The following PRPF39 variants were observed in gnomAD, a reference collection of about 807,000 sequenced individuals.
PRPF39 encodes pre-mRNA processing factor 39.
Under a neutral mutation model 82.1 loss-of-function variants are expected in PRPF39, and 27 were observed. The observed-to-expected ratio is 0.33, with a 90% confidence interval of 0.24 to 0.45. PRPF39 has a LOEUF of 0.45. Among genes scored for constraint, PRPF39 ranks in the 20% least tolerant of loss-of-function variants. The probability of loss-of-function intolerance (pLI) is 1.00; values close to 1 mark genes in which losing one functional copy is unlikely to be tolerated. For missense variants in PRPF39, 581 were observed against 796.9 expected (o/e 0.73, Z 3.26); for synonymous variants, 261 against 256.4 (o/e 1.02, Z -0.17).
intron 10 of PRPF39, among the ~76,000 whole-genome samples, 152 bp from the exon 11 acceptor site, chr14:45,112,166 T>C (rs533477122): frequency 9.8e-5 from 15 of 152,318 alleles, no homozygotes; most frequent in Non-Finnish European, 1.9e-4. Context: ...TTCACCCCTT[T>C]AGATATATGC....
chr14:45,090,409 G>A lies in PRPF39; in HGVS notation c.-19-4812G>A, dbSNP rs139181317. Among the ~76,000 whole-genome samples the A allele has an allele frequency of 1.9e-4, 29 of 151,958 alleles. No homozygotes were observed. In the East Asian group the frequency reaches 5.2e-3, roughly 27 times the overall value. The stretch of plus-strand genomic sequence containing the variant: ...CTGTAATTTTTTCTCAAATTCTTTT[G>A]TCCATAATATGGCTCCATGCTACTT... On this transcript the variant is annotated intron_variant, in intron 1 of 13. Transcript: ENST00000355765.
chr14:45,103,737 A>G (rs937216569), intron 5 of PRPF39, among the ~76,000 whole-genome samples: 1 of 152,188 alleles, frequency 6.6e-6, no homozygotes, highest in African/African-American at 2.4e-5. Context: ...TAACACAAGT[A>G]AGAATTGGCA....
chr14:45,109,791 C>G lies in PRPF39; in HGVS notation c.1176+11C>G. On this transcript the variant is annotated intron_variant, in intron 8 of 13. Transcript: ENST00000355765. ...GAGTTTTGGATTAAGGTAAGAAAAT[C>G]ATGTGCTCTTAAACTTGAATATATT... The G allele has an allele frequency of 6.3e-7, 1 of 1,585,524 alleles. No individual in the cohort carries two copies. Among genetic ancestry groups the G allele is most frequent in the Non-Finnish European group, 8.6e-7 (1 of 1,165,720 alleles).
In PRPF39 at chr14:45,096,011, T is replaced by C. The variant is rs368177970; in HGVS notation, c.325-92T>C. The C allele has an allele frequency of 8.6e-5, 103 of 1,192,840 alleles. 1 individual carries two copies. In the East Asian group the frequency reaches 2.2e-3, roughly 25 times the overall value. The allele number at this position is 1,192,840 out of a possible 1,614,324, so 73.9% of individuals were successfully genotyped here. On this transcript the variant is annotated intron_variant, in intron 2 of 13. Coordinates refer to ENST00000355765, the MANE Select transcript of PRPF39 (RefSeq NM_017922.4). ...AGTTTTTAAGCCTGCCATTTATTATTATTTTTTTAGATAATAACGTTTGAA... is the reference window on the plus strand; with the variant it reads ...AGTTTTTAAGCCTGCCATTTATTATCATTTTTTTAGATAATAACGTTTGAA...
In PRPF39 at chr14:45,110,697, T is replaced by G; in HGVS notation, c.1452T>G (p.Asn484Lys). 1 of 1,571,728 alleles carries G rather than the reference T, an allele frequency of 6.4e-7. No individual in the cohort carries two copies. The highest frequency in any genetic ancestry group is 2.3e-5 in the East Asian group (1 of 43,094). ...ATTTGCTTCAGGATGCCATTAAGAATGCCAAATCAAATAATGAATCTTCAT... is the reference window on the plus strand; with the variant it reads ...ATTTGCTTCAGGATGCCATTAAGAAGGCCAAATCAAATAATGAATCTTCAT... The part of the protein sequence containing the change: ...AEHLLQDAIK[N>K]AKSNNESSFY... The change falls in exon 10 of 14, where the codon AAT becomes AAG. Residue 484 changes from asparagine (N) to lysine (K), a missense_variant. Transcript: ENST00000355765. This position sits in a 1 kb window ranked among gnomAD's most constrained non-coding sequence, Gnocchi z 4.0.
At chr14:45,099,043 A>G (rs12101074) in intron 4 of PRPF39, among the ~76,000 whole-genome samples, 7,845 of 152,298 alleles carry the variant, frequency 0.052, 665 homozygotes, top group African/African-American at 0.18. Context: ...GTCCAATACC[A>G]TTCTTGCAGA....
At chr14:45,094,735 T>C (rs1334897569) in intron 1 of PRPF39, among the ~76,000 whole-genome samples, 1 of 152,212 alleles carries the variant, frequency 6.6e-6, no homozygotes, top group Non-Finnish European at 1.5e-5. Context: ...TTCTAAAACT[T>C]TATCCTGAGC....
chr14:45,086,715 G>A (rs1208167230), intron 1 of PRPF39, among the ~76,000 whole-genome samples: 2 of 152,198 alleles, frequency 1.3e-5, no homozygotes, highest in South Asian at 2.1e-4. Context: ...GGGGGACAGC[G>A]GTGAACAAAA....
chr14:45,108,477 T>C lies in PRPF39; in HGVS notation c.966T>C (p.Asn322=). ...TTGAGATTCATCAAGAAATGTTTAATTATAATGAGCATGAAGTTAGTAAAA... is the reference window on the plus strand; with the variant it reads ...TTGAGATTCATCAAGAAATGTTTAACTATAATGAGCATGAAGTTAGTAAAA... The part of the protein sequence containing the change: ...RIIEIHQEMF[N]YNEHEVSKRW... The change falls in exon 7 of 14, where the codon AAT becomes AAC. Residue 322 remains asparagine, a synonymous_variant. Coordinates refer to ENST00000355765, the MANE Select transcript of PRPF39 (RefSeq NM_017922.4). The C allele has an allele frequency of 1.9e-6, 3 of 1,603,318 alleles. No homozygotes were observed. The highest frequency in any genetic ancestry group is 1.8e-5 in the Admixed American group (1 of 56,732).
At chr14:45,088,468 T>G (rs925328228) in intron 1 of PRPF39, among the ~76,000 whole-genome samples, 1 of 152,132 alleles carries the variant, frequency 6.6e-6, no homozygotes, top group African/African-American at 2.4e-5. Flanking sequence ...AGGAACAGAA[T>G]TGGAAAAAAC....
At chr14:45,089,081 G>T (rs990882104) in intron 1 of PRPF39, among the ~76,000 whole-genome samples, 7 of 152,102 alleles carry the variant, frequency 4.6e-5, no homozygotes, top group African/African-American at 1.7e-4. Flanking sequence ...GTCCTTTTAT[G>T]CACAAAAGCT....
intron 5 of PRPF39, among the ~76,000 whole-genome samples, chr14:45,104,749 G>C (rs1884475508): frequency 6.6e-6 from 1 of 152,122 alleles, no homozygotes; most frequent in South Asian, 2.1e-4. Flanking sequence ...TTTGTGATCT[G>C]GTCTAACATC....
At chr14:45,109,841 CT>C in intron 8 of PRPF39, 61 bp downstream of exon 8, 1 of 1,525,988 alleles carries the variant, frequency 6.6e-7, no homozygotes, top group Non-Finnish European at 8.8e-7. Flanking sequence ...AGTGACTAAC[CT>C]TTTTTGTACT....
At chr14:45,092,600 CAAAAA>C (rs775755309) in intron 1 of PRPF39, among the ~76,000 whole-genome samples, 1 of 51,498 alleles carries the variant, frequency 1.9e-5, no homozygotes, top group East Asian at 6.5e-4. Flanking sequence ...GACTCTGTCT[CAAAAA>C]AAAAAAAAAA....
At chr14:45,107,939 A>C (rs1406117745) in intron 6 of PRPF39, among the ~76,000 whole-genome samples, 1 of 151,944 alleles carries the variant, frequency 6.6e-6, no homozygotes, top group Non-Finnish European at 1.5e-5. Context: ...GGGGGGAAAA[A>C]AAGGTCTTTA....
intron 2 of PRPF39, 33 bp from the exon 3 acceptor site, chr14:45,096,070 C>T: frequency 6.7e-6 from 10 of 1,488,138 alleles, no homozygotes; most frequent in Middle Eastern, 1.7e-4. Flanking sequence ...CAGAAATTTC[C>T]ACAATATTTA....
chr14:45,087,176 C>T (rs539528484), intron 1 of PRPF39, among the ~76,000 whole-genome samples: 2 of 152,292 alleles, frequency 1.3e-5, no homozygotes, highest in African/African-American at 4.8e-5. Context: ...CAGCCCACTG[C>T]AACCTCCACC....
At chr14:45,094,588 C>T (rs903776162) in intron 1 of PRPF39, among the ~76,000 whole-genome samples, 3 of 152,046 alleles carry the variant, frequency 2.0e-5, no homozygotes, top group Non-Finnish European at 4.4e-5. Flanking sequence ...TTTTAAGTAA[C>T]ATTTATTCAC....
chr14:45,096,206 A>G lies in PRPF39; in HGVS notation c.428A>G (p.Asp143Gly). The change falls in exon 3 of 14, where the codon GAC (aspartate) becomes GGC (glycine). Residue 143 changes from aspartate (D) to glycine (G), a missense_variant. Physicochemically the swap from Asp to Gly is moderately conservative, Grantham distance 94 (BLOSUM62 -1). Coordinates refer to ENST00000355765, the MANE Select transcript of PRPF39 (RefSeq NM_017922.4). Reference protein sequence around the residue: ...KKYADLEKRHDNIKPSDEVYR... With the variant: ...KKYADLEKRHGNIKPSDEVYR... ...TATGCAGACCTTGAAAAGCGGCACG[A>G]CAACATTAAACCATCAGATGAGGTG... 3.1e-6 allele frequency: 5 copies of G among 1,592,250 alleles called. No individual in the cohort carries two copies. Among genetic ancestry groups the G allele is most frequent in the Non-Finnish European group, 4.3e-6 (5 of 1,168,542 alleles).
Sources: allele counts gnomAD v4.1 joint callset (sites outside exome capture counted in the v4.1 genomes callset), GRCh38; gene constraint gnomAD v4.1.1; non-coding constraint Gnocchi (gnomAD v3.1); transcripts MANE v1.5; gene names NCBI Gene and HGNC (gene_info 2026-07-23, HGNC 2026-07-21).